Variants in SSTR5 observed in about 807,000 individuals in gnomAD.
SSTR5 encodes the protein somatostatin receptor type 5.
In SSTR5, 1 loss-of-function variant was observed where a neutral mutation model predicts 0.3. The ratio of observed to expected loss-of-function variants is 2.98; its 90% CI spans 1.06 to 14.15. SSTR5 has a LOEUF of 14.15. SSTR5 is among the 30% of genes most tolerant of loss of function. The probability of loss-of-function intolerance (pLI) is 0.12; values close to 1 mark genes in which losing one functional copy is unlikely to be tolerated. For synonymous variants in SSTR5, 256 were observed against 263.1 expected, an observed-to-expected ratio of 0.97 and a Z score of 0.26; for missense variants, 516 against 543.2, an observed-to-expected ratio of 0.95 and a Z score of 0.50.
intron 1 of SSTR5, among the ~76,000 whole-genome samples, chr16:1,074,675 G>A (rs1293205313): frequency 1.3e-5 from 2 of 152,244 alleles, no homozygotes; most frequent in African/African-American, 2.4e-5. Context: ...AGGTGAGGCC[G>A]GGAGCGGTGC....
intron 1 of SSTR5, among the ~76,000 whole-genome samples, chr16:1,073,395 G>A (rs897726748): frequency 1.6e-4 from 25 of 152,226 alleles, no homozygotes; most frequent in African/African-American, 7.2e-5. Flanking sequence ...TGGTGCCTGC[G>A]CGCAGCTGGG....
At position 1,080,086 on chromosome 16, in the gene SSTR5, G is replaced by A; in HGVS notation, c.*123G>A. Reference sequence around the variant, plus strand: ...CGGCGGTGGTGTGAGGACAGAGCTGGCTGAAGCCAGGCTGGGGTAGACACA... The same window carrying A: ...CGGCGGTGGTGTGAGGACAGAGCTGACTGAAGCCAGGCTGGGGTAGACACA... On this transcript the variant is annotated 3_prime_UTR_variant, in exon 2 of 2. Transcript: ENST00000689027. The A allele has an allele frequency of 1.5e-6, 2 of 1,335,182 alleles. No individual in the cohort carries two copies. Among genetic ancestry groups the A allele is most frequent in the South Asian group, 3.1e-5 (2 of 65,304 alleles). 82.7% of individuals were successfully genotyped at this position (1,335,182 alleles called of 1,614,324 possible).
At chr16:1,075,631 C>T (rs910921687) in intron 1 of SSTR5, among the ~76,000 whole-genome samples, 7 of 151,838 alleles carry the variant, frequency 4.6e-5, no homozygotes, top group African/African-American at 9.7e-5. Context: ...AGGAATGGGC[C>T]GAAAGTGCCT....
rs1376823962 is a variant in SSTR5 at position 1,079,826 on chromosome 16, T to G, written c.958T>G (p.Cys320Gly). The change falls in exon 2 of 2, where the codon TGC becomes GGC. Residue 320 changes from cysteine (C) to glycine (G), a missense_variant. Transcript: ENST00000689027. Reference sequence around the variant, plus strand: ...CCGCCAGAGCTTCCAGAAGGTTCTGTGCCTCCGCAAGGGCTCTGGTGCCAA... The same window carrying G: ...CCGCCAGAGCTTCCAGAAGGTTCTGGGCCTCCGCAAGGGCTCTGGTGCCAA... ...NFRQSFQKVLCLRKGSGAKDA... is the reference protein window; with the variant it reads ...NFRQSFQKVLGLRKGSGAKDA... 5 of 1,612,206 alleles carry G rather than the reference T, an allele frequency of 3.1e-6. No individual in the cohort carries two copies. The highest frequency in any genetic ancestry group is 3.4e-6 in the Non-Finnish European group (4 of 1,179,828).
At chr16:1,075,970 T>A (rs1960189430) in intron 1 of SSTR5, among the ~76,000 whole-genome samples, 1 of 1,488 alleles carries the variant, frequency 6.7e-4, no homozygotes, top group Non-Finnish European at 1.3e-3. Flanking sequence ...TCCCCCTCTC[T>A]CTCCCTCCCC....
Position 1,079,280 on chromosome 16 carries a change from T to C in SSTR5, c.412T>C (p.Tyr138His), listed in dbSNP as rs370649635. Reference sequence around the variant, plus strand: ...CCTGACAGTCATGAGCGTGGACCGCTACCTGGCAGTGGTGCACCCGCTGAG... The same window carrying C: ...CCTGACAGTCATGAGCGTGGACCGCCACCTGGCAGTGGTGCACCCGCTGAG... ...FCLTVMSVDRYLAVVHPLSSA... is the reference protein window; with the variant it reads ...FCLTVMSVDRHLAVVHPLSSA... Residue 138 changes from tyrosine (Y) to histidine (H), a missense_variant, in exon 2 of 2, where the codon TAC becomes CAC. By Grantham distance (83) the Tyr-to-His change is moderately conservative. Transcript: ENST00000689027. The C allele has an allele frequency of 1.9e-6, 3 of 1,611,892 alleles. No individual in the cohort carries two copies. The highest frequency in any genetic ancestry group is 2.5e-6 in the Non-Finnish European group (3 of 1,179,650).
At chr16:1,072,872 TCGG>T (rs1385595502) in intron 1 of SSTR5, among the ~76,000 whole-genome samples, 50 bp downstream of exon 1, 3 of 127,902 alleles carry the variant, frequency 2.3e-5, no homozygotes, top group African/African-American at 9.0e-5. Context: ...CCCCCTGCCC[TCGG>T]CTGTTATCCC....
Position 1,079,323 on chromosome 16 carries a change from G to A in SSTR5, c.455G>A (p.Arg152His), listed in dbSNP as rs147955221. 88 of 1,607,544 alleles carry A rather than the reference G, an allele frequency of 5.5e-5. No homozygotes were observed. Among genetic ancestry groups the A allele is most frequent in the African/African-American group, 3.3e-4 (25 of 74,818 alleles). Reference protein sequence around the residue: ...VHPLSSARWRRPRVAKLASAA... With the variant: ...VHPLSSARWRHPRVAKLASAA... ...CCGCTGAGCTCGGCCCGCTGGCGCCGCCCGCGTGTGGCCAAGCTGGCGAGC... is the reference window on the plus strand; with the variant it reads ...CCGCTGAGCTCGGCCCGCTGGCGCCACCCGCGTGTGGCCAAGCTGGCGAGC... The change falls in exon 2 of 2, where the codon CGC becomes CAC. Residue 152 changes from arginine to histidine, a missense_variant. Transcript: ENST00000689027.
Position 1,080,672 on chromosome 16 carries a change from G to A in SSTR5, c.*709G>A, listed in dbSNP as rs1960353813. Among the ~76,000 whole-genome samples, 1 of 152,208 alleles carries A rather than the reference G, an allele frequency of 6.6e-6. No individual in the cohort carries two copies. Among genetic ancestry groups the A allele is most frequent in the Non-Finnish European group, 1.5e-5 (1 of 68,018 alleles). ...GGGCTTGGGCGCTGGCCTAGCCAGG[G>A]GCGAGGTGGGGAGGCGGCTGGTGCA... is the stretch of plus-strand genomic sequence containing the variant. On this transcript the variant is annotated 3_prime_UTR_variant, in exon 2 of 2. Coordinates refer to ENST00000689027, the MANE Select transcript of SSTR5 (RefSeq NM_001172560.3).
In SSTR5 at chr16:1,073,941, G is replaced by A. The variant is rs137959004; in HGVS notation, c.-28+1119G>A. ...GTGGAGGGTGCCCCGAGAAGCGTTC[G>A]CGGAGCACGCGGGACCCCTGCTGCT... On this transcript the variant is annotated intron_variant, in intron 1 of 1. Coordinates refer to ENST00000689027, the MANE Select transcript of SSTR5 (RefSeq NM_001172560.3). Among the ~76,000 whole-genome samples the A allele has an allele frequency of 4.5e-3, 686 of 152,344 alleles. 6 individuals are homozygous for A. Among genetic ancestry groups the A allele is most frequent in the African/African-American group, 0.016 (647 of 41,594 alleles).
Position 1,081,175 on chromosome 16 carries a change from C to A in SSTR5, c.*1212C>A, listed in dbSNP as rs197055. Reference sequence around the variant, plus strand: ...GAGCCTTGCTGGGGTCTCTGGGGCACCTTGGCCTTGCTCTGAGGCTGGAAG... The same window carrying A: ...GAGCCTTGCTGGGGTCTCTGGGGCAACTTGGCCTTGCTCTGAGGCTGGAAG... On this transcript the variant is annotated 3_prime_UTR_variant, in exon 2 of 2. Coordinates refer to ENST00000689027, the MANE Select transcript of SSTR5 (RefSeq NM_001172560.3). 62,303 of 468,060 alleles carry A rather than the reference C, an allele frequency of 0.13. 5,315 individuals are homozygous for A. The highest frequency in any genetic ancestry group is 0.16 in the Non-Finnish European group (36,586 of 225,524). The allele number at this position is 468,060 out of a possible 1,614,324, so 29.0% of individuals were successfully genotyped here.
chr16:1,077,302 G>A (rs1158849656), intron 1 of SSTR5, among the ~76,000 whole-genome samples: 1 of 152,214 alleles, frequency 6.6e-6, no homozygotes, highest in Non-Finnish European at 1.5e-5. Flanking sequence ...CCCCCAGGGA[G>A]GGGCTTGTCC....
intron 1 of SSTR5, among the ~76,000 whole-genome samples, chr16:1,074,941 GC>G (rs1292377302): frequency 1.3e-5 from 2 of 152,200 alleles, no homozygotes; most frequent in Non-Finnish European, 2.9e-5. Flanking sequence ...AGACCACGCA[GC>G]CCGTGTGGGG....
In SSTR5 at chr16:1,079,534, G is replaced by C. The variant is rs1357871210; in HGVS notation, c.666G>C (p.Leu222=). ...APLLVICLCY[L]LIVVKVRAAG... Reference sequence around the variant, plus strand: ...TGCTGGTCATCTGCCTGTGCTACCTGCTCATCGTGGTGAAGGTGAGGGCGG... The same window carrying C: ...TGCTGGTCATCTGCCTGTGCTACCTCCTCATCGTGGTGAAGGTGAGGGCGG... Residue 222 remains leucine, a synonymous_variant, in exon 2 of 2, where the codon CTG becomes CTC. Coordinates refer to ENST00000689027, the MANE Select transcript of SSTR5 (RefSeq NM_001172560.3). 2.5e-6 allele frequency: 4 copies of C among 1,612,150 alleles called. No individual in the cohort carries two copies. In the East Asian group the frequency reaches 6.7e-5, roughly 27 times the overall value.
At position 1,081,123 on chromosome 16, in the gene SSTR5, G is replaced by A. The variant is rs1351131696; in HGVS notation, c.*1160G>A. 4.0e-5 allele frequency: 19 copies of A among 470,224 alleles called. No homozygotes were observed. Among genetic ancestry groups the A allele is most frequent in the Non-Finnish European group, 7.1e-5 (16 of 226,720 alleles). 29.1% of individuals were successfully genotyped at this position (470,224 alleles called of 1,614,324 possible). On this transcript the variant is annotated 3_prime_UTR_variant, in exon 2 of 2. Coordinates refer to ENST00000689027, the MANE Select transcript of SSTR5 (RefSeq NM_001172560.3). Reference sequence around the variant, plus strand: ...ACCCCAAACACCAGCTTTTCCTGGCGCCCCAGGCCCAGAACGTGGGCCCAG... The same window carrying A: ...ACCCCAAACACCAGCTTTTCCTGGCACCCCAGGCCCAGAACGTGGGCCCAG...
intron 1 of SSTR5, among the ~76,000 whole-genome samples, chr16:1,075,957 A>C (rs536353731): frequency 0.033 from 209 of 6,422 alleles, no homozygotes; most frequent in Non-Finnish European, 0.037. Context: ...CTCCCTCCCC[A>C]CCTCCCCCTC....
Position 1,073,762 on chromosome 16 carries a change from G to C in SSTR5, c.-28+940G>C, listed in dbSNP as rs1009770903. On this transcript the variant is annotated intron_variant, in intron 1 of 1. Transcript: ENST00000689027. ...GACAGAAGTTGGGGATGGTTCCAGT[G>C]AGGCTGAGCCCTTTCTGAAGGCAGT... Among the ~76,000 whole-genome samples, 4 of 152,336 alleles carry C rather than the reference G, an allele frequency of 2.6e-5. No individual in the cohort carries two copies. The East Asian group carries it at 7.7e-4, about 29-fold the overall frequency.
chr16:1,078,610 A>T, intron 1 of SSTR5: 1 of 567,604 alleles, frequency 1.8e-6, no homozygotes, highest in Non-Finnish European at 3.2e-6. Context: ...TATCGACAGC[A>T]GCCGTCCGTC....
intron 1 of SSTR5, among the ~76,000 whole-genome samples, chr16:1,075,959 C>T (rs1309278682): frequency 3.6e-5 from 1 of 27,912 alleles, no homozygotes; most frequent in African/African-American, 1.3e-4. Context: ...CCCTCCCCAC[C>T]TCCCCCTCTC....
Sources: gnomAD v4.1 joint callset for allele counts (sites outside exome capture counted in the v4.1 genomes callset) on GRCh38, gnomAD v4.1.1 for gene constraint, MANE v1.5 for transcripts, NCBI Gene and HGNC (gene_info 2026-07-23, HGNC 2026-07-21) for gene names.